Variants in RRBP1 observed in about 807,000 individuals in gnomAD.
RRBP1 encodes the protein ribosome-binding protein 1.
In RRBP1, 94 loss-of-function variants were observed where a neutral mutation model predicts 165.2. The ratio of observed to expected loss-of-function variants is 0.57; its 90% CI spans 0.48 to 0.68. The LOEUF (loss-of-function observed/expected upper bound fraction) is 0.68, where lower values mean the gene tolerates loss of function less well. Among genes scored for constraint, RRBP1 ranks in the 30% least tolerant of loss-of-function variants. The pLI, the probability that RRBP1 is intolerant of heterozygous loss-of-function variation, is 0.00. For synonymous variants in RRBP1, 680 were observed against 714.5 expected (o/e 0.95, Z 0.77); for missense variants, 1,676 against 1,763.0 (o/e 0.95, Z 0.88).
At position 17,643,652 on chromosome 20, in the gene RRBP1, A is replaced by T. The variant is rs956717162; in HGVS notation, c.1913-525T>A. Among the ~76,000 whole-genome samples the T allele has an allele frequency of 3.9e-5, 6 of 152,122 alleles. No homozygotes were observed. The highest frequency in any genetic ancestry group is 6.5e-5 in the Admixed American group (1 of 15,286). ...AGCCACAGGAGGAGCACAGAAGGCA[A>T]GGAGAGGCTGCTTCCACACATCAGT... On this transcript the variant is annotated intron_variant, in intron 3 of 24. Coordinates refer to ENST00000377813, the MANE Select transcript of RRBP1 (RefSeq NM_001365613.2). This position sits in a 1 kb window ranked among gnomAD's most constrained non-coding sequence, Gnocchi z 4.3.
At position 17,669,522 on chromosome 20, in the gene RRBP1, TCAC is replaced by T. The variant is rs2036934419; in HGVS notation, c.-21-8997_-21-8995del. ...CATCTATACTGTATCAAATCAAACC[TCAC>T]CACATCAAATATGGTAAGTGATGAA... On this transcript the variant is annotated intron_variant, in intron 2 of 24. Transcript: ENST00000377813. Among the ~76,000 whole-genome samples, 5 of 152,272 alleles carry T rather than the reference TCAC, an allele frequency of 3.3e-5. 1 individual carries two copies. The highest frequency in any genetic ancestry group is 1.2e-4 in the African/African-American group (5 of 41,556).
rs149674251 is a variant in RRBP1 at position 17,665,306 on chromosome 20, C to T, written c.-21-4778G>A. 7.2e-5 allele frequency among the ~76,000 whole-genome samples: 11 copies of T among 152,276 alleles called. No individual in the cohort carries two copies. The East Asian group carries it at 2.1e-3, about 29-fold the overall frequency. On this transcript the variant is annotated intron_variant, in intron 2 of 24. Coordinates refer to ENST00000377813, the MANE Select transcript of RRBP1 (RefSeq NM_001365613.2). ...TGTGTAAGTGACATTGTTCTGGGTG[C>T]TATTTGGTAACATTTTTTGACTAAA...
rs551007819 is a variant in RRBP1 at position 17,614,835 on chromosome 20, C to T, written c.4096G>A (p.Ala1366Thr). 1.4e-5 allele frequency: 23 copies of T among 1,613,822 alleles called. No individual in the cohort carries two copies. Among genetic ancestry groups the T allele is most frequent in the Admixed American group, 5.0e-5 (3 of 60,034 alleles). Residue 1366 changes from alanine (A) to threonine (T), a missense_variant, in exon 24 of 25, where the codon GCC becomes ACC. This residue lies in a region of RRBP1 where 1,184 missense variants were observed against 1,167.1 expected (regional missense o/e 1.01). Transcript: ENST00000377813. ...AGAAGCTCCTGCAGTCTCGTGGCGGCGCGCCCCAGGTCACTTGTTAACTTC... is the reference window on the plus strand; with the variant it reads ...AGAAGCTCCTGCAGTCTCGTGGCGGTGCGCCCCAGGTCACTTGTTAACTTC... ...EKKLTSDLGR[A>T]ATRLQELLKT...
chr20:17,656,301 C>T lies in RRBP1; in HGVS notation c.1912+2295G>A, dbSNP rs978291234. On this transcript the variant is annotated intron_variant, in intron 3 of 24. Coordinates refer to ENST00000377813, the MANE Select transcript of RRBP1 (RefSeq NM_001365613.2). The stretch of plus-strand genomic sequence containing the variant: ...TGTCTCTGCCTCTTCCTTGTGGTTG[C>T]ACAGCCCTGCGTGGCTGTGTGTCAA... Among the ~76,000 whole-genome samples the T allele has an allele frequency of 2.6e-5, 4 of 152,336 alleles. No homozygotes were observed. In the East Asian group the frequency reaches 7.7e-4, roughly 29 times the overall value.
At chr20:17,623,263 C>T (rs2035950013) in intron 13 of RRBP1, 1 of 152,308 alleles carries the variant, frequency 6.6e-6, no homozygotes, top group South Asian at 2.1e-4. Context: ...CCATCCTTCA[C>T]CTCCTGCCCT....
intron 3 of RRBP1, among the ~76,000 whole-genome samples, chr20:17,652,525 G>A (rs1029324705): frequency 6.6e-6 from 1 of 151,904 alleles, no homozygotes; most frequent in Non-Finnish European, 1.5e-5. Context: ...CCAGATCCCC[G>A]CAGCACAGCC....
Position 17,614,094 on chromosome 20 carries a change from C to G in RRBP1, c.*88G>C, listed in dbSNP as rs1189121769. On this transcript the variant is annotated 3_prime_UTR_variant, in exon 25 of 25. Coordinates refer to ENST00000377813, the MANE Select transcript of RRBP1 (RefSeq NM_001365613.2). The stretch of plus-strand genomic sequence containing the variant: ...GCTACCGGAAGTTGGGCCTGGATAA[C>G]GCTGTGTAGGTTGGTTGGTTTATTT... The G allele has an allele frequency of 1.5e-6, 2 of 1,347,704 alleles. No individual in the cohort carries two copies. Among genetic ancestry groups the G allele is most frequent in the Non-Finnish European group, 2.1e-6 (2 of 939,434 alleles). The allele number at this position is 1,347,704 out of a possible 1,614,324, so 83.5% of individuals were successfully genotyped here. A position where few individuals can be genotyped will look rare whatever the true frequency, so the allele number is the denominator to read the frequency against.
At chr20:17,665,895 G>A (rs1036525668) in intron 2 of RRBP1, among the ~76,000 whole-genome samples, 20 of 152,210 alleles carry the variant, frequency 1.3e-4, no homozygotes, top group African/African-American at 4.6e-4. Flanking sequence ...ACAGGAAACA[G>A]TGATAAAACT....
intron 5 of RRBP1, among the ~76,000 whole-genome samples, chr20:17,637,970 C>A (rs1047903015): frequency 5.3e-5 from 8 of 152,180 alleles, no homozygotes; most frequent in African/African-American, 1.9e-4. Flanking sequence ...GGAGAGGACA[C>A]ACTTGTCCAA....
intron 2 of RRBP1, among the ~76,000 whole-genome samples, chr20:17,676,492 G>C (rs2037084858): frequency 6.6e-6 from 1 of 152,214 alleles, no homozygotes; most frequent in Non-Finnish European, 1.5e-5. Flanking sequence ...CACCCAACCA[G>C]TGCTTCTCCC....
At chr20:17,639,668 C>G (rs542429049) in intron 5 of RRBP1, among the ~76,000 whole-genome samples, 6 of 152,058 alleles carry the variant, frequency 3.9e-5, no homozygotes, top group Admixed American at 3.9e-4. Flanking sequence ...CCGAGGTGGG[C>G]GGATCACCTG....
intron 10 of RRBP1, 21 bp downstream of exon 10, chr20:17,627,483 G>A: frequency 6.2e-7 from 1 of 1,605,576 alleles, no homozygotes; most frequent in Non-Finnish European, 8.5e-7. Context: ...TCCTCCCCGT[G>A]GCCCCAGGCA....
rs773439510 is a variant in RRBP1 at position 17,627,350 on chromosome 20, A to C, written c.2961T>G (p.Thr987=). 7.4e-6 allele frequency: 12 copies of C among 1,613,342 alleles called. No homozygotes were observed. Among genetic ancestry groups the C allele is most frequent in the African/African-American group, 1.3e-5 (1 of 74,912 alleles). Residue 987 remains threonine (T), a splice_region_variant and synonymous_variant, in exon 11 of 25, where the codon ACT becomes ACG. Transcript: ENST00000377813. ...ASQAEADQQQ[T]RLKELESQVS... ...GGCAGGCTGCTTCCCCAGCTTACCG[A>C]GTCTGCTGCTGGTCAGCCTCCGCCT...
At chr20:17,615,403 T>C in intron 23 of RRBP1, 28 bp downstream of exon 23, 3 of 1,569,810 alleles carry the variant, frequency 1.9e-6, no homozygotes, top group Admixed American at 1.7e-5. Context: ...ACCCTCCAGG[T>C]GTGACCCCCG....
At chr20:17,640,389 G>A (rs982315986) in intron 5 of RRBP1, among the ~76,000 whole-genome samples, 1 of 152,246 alleles carries the variant, frequency 6.6e-6, no homozygotes, top group African/African-American at 2.4e-5. Context: ...AAAGGGCACA[G>A]AATGTCTGAG....
intron 3 of RRBP1, among the ~76,000 whole-genome samples, chr20:17,649,400 C>T (rs3790315): frequency 0.64 from 97,412 of 152,088 alleles, 32,423 homozygotes; most frequent in African/African-American, 0.83. Flanking sequence ...CTTTCTGCTT[C>T]TGTCAAACAG....
rs1292583425 is a variant in RRBP1, at chr20:17,656,167, G to A, written c.1912+2429C>T. On this transcript the variant is annotated intron_variant, in intron 3 of 24. Coordinates refer to ENST00000377813, the MANE Select transcript of RRBP1 (RefSeq NM_001365613.2). Reference sequence around the variant, plus strand: ...ATTCCTCAGTGCTAATTCAAGAAACGAAAATAGAAAGTCCAAGAAAGAACT... The same window carrying A: ...ATTCCTCAGTGCTAATTCAAGAAACAAAAATAGAAAGTCCAAGAAAGAACT... 2.6e-5 allele frequency among the ~76,000 whole-genome samples: 4 copies of A among 152,206 alleles called. No individual in the cohort carries two copies. In the East Asian group the frequency reaches 5.8e-4, roughly 22 times the overall value.
At chr20:17,630,403 G>A (rs983869887) in intron 8 of RRBP1, among the ~76,000 whole-genome samples, 1 of 152,216 alleles carries the variant, frequency 6.6e-6, no homozygotes, top group Non-Finnish European at 1.5e-5. Flanking sequence ...CTGCGATCAC[G>A]CTATAGGGCA....
Position 17,643,092 on chromosome 20 carries a change from A to G in RRBP1, c.1948T>C (p.Tyr650His). 6.2e-7 allele frequency: 1 copy of G among 1,614,046 alleles called. No individual in the cohort carries two copies. The highest frequency in any genetic ancestry group is 1.1e-5 in the South Asian group (1 of 91,078). ...CCAACCGTGGAGACCAGCGTCTTGT[A>G]GGGGAGGTAGAGAGGGCCGTCGGCA... ...PDADGPLYLP[Y>H]KTLVSTVGSM... Residue 650 changes from tyrosine (Y) to histidine (H), a missense_variant, in exon 4 of 25, where the codon TAC becomes CAC. By Grantham distance (83) the Tyr-to-His change is moderately conservative. Around this residue, in one of 5 missense-constraint regions of RRBP1, gnomAD observed 1,184 missense variants for 1,167.1 expected, o/e 1.01. Coordinates refer to ENST00000377813, the MANE Select transcript of RRBP1 (RefSeq NM_001365613.2). This position sits in a 1 kb window ranked among gnomAD's most constrained non-coding sequence, Gnocchi z 4.3.
Sources: allele counts gnomAD v4.1 joint callset (sites outside exome capture counted in the v4.1 genomes callset), GRCh38; gene constraint gnomAD v4.1.1; regional missense constraint gnomAD v4.1.1; non-coding constraint Gnocchi (gnomAD v3.1); transcripts MANE v1.5; gene names NCBI Gene and HGNC (gene_info 2026-07-23, HGNC 2026-07-21).